Variants in LYRM4 observed in about 807,000 individuals in gnomAD.
The protein encoded by LYRM4 is LYR motif containing 4.
Under a neutral mutation model 11.7 loss-of-function variants are expected in LYRM4, and 9 were observed. That is an observed-to-expected ratio of 0.77 (90% confidence interval 0.46 to 1.34). The LOEUF (loss-of-function observed/expected upper bound fraction) is 1.34, where lower values mean the gene tolerates loss of function less well. Ranked by LOEUF, LYRM4 falls within the 40% of genes most tolerant of loss-of-function variation. LYRM4 has a pLI of 0.00. For synonymous variants in LYRM4, 42 were observed against 40.4 expected (o/e 1.04, Z -0.15); for missense variants, 133 against 112.5 (o/e 1.18, Z -0.82).
chr6:5,073,031 A>G, the LYRM4 span, among the ~76,000 whole-genome samples: 1 of 152,190 alleles, frequency 6.6e-6, no homozygotes, highest in Non-Finnish European at 1.5e-5. Context: ...TTTTGTAGGA[A>G]AATTTTGGAA....
intron 1 of LYRM4, among the ~76,000 whole-genome samples, chr6:5,245,113 A>AATAT (rs1158676783): frequency 2.7e-3 from 64 of 24,044 alleles, no homozygotes; most frequent in South Asian, 4.3e-3. Context: ...AAAAAAAAAA[A>AATAT]ATATATATAT....
At chr6:5,187,616 C>T (rs953715043) in intron 2 of LYRM4, among the ~76,000 whole-genome samples, 2 of 150,342 alleles carry the variant, frequency 1.3e-5, no homozygotes, top group African/African-American at 4.9e-5. Context: ...GGGTTGGGGG[C>T]TGGGGGAGGG....
intron 1 of LYRM4, among the ~76,000 whole-genome samples, chr6:5,243,959 G>C (rs1221505757): frequency 6.6e-6 from 1 of 152,100 alleles, no homozygotes. Flanking sequence ...TTTTCCTTAC[G>C]TTCTTATTTT....
At chr6:5,218,244 T>C (rs1371859494) in intron 1 of LYRM4, 1 of 985,134 alleles carries the variant, frequency 1.0e-6, no homozygotes, top group Non-Finnish European at 1.2e-6. Context: ...GCTCTGCTTT[T>C]AACTTGGAGC....
intron 2 of LYRM4, among the ~76,000 whole-genome samples, chr6:5,210,893 T>C (rs1273489695): frequency 6.6e-6 from 1 of 152,220 alleles, no homozygotes; most frequent in Non-Finnish European, 1.5e-5. Flanking sequence ...ATATACTATA[T>C]CCTGTTTATC....
chr6:5,145,611 G>A (rs1445242534), intron 2 of LYRM4, among the ~76,000 whole-genome samples: 1 of 151,998 alleles, frequency 6.6e-6, no homozygotes, highest in Non-Finnish European at 1.5e-5. Context: ...AGCCTTATGA[G>A]GAAAAAACAT....
the LYRM4 span, among the ~76,000 whole-genome samples, chr6:5,090,365 C>T: frequency 3.9e-5 from 6 of 152,122 alleles, no homozygotes; most frequent in East Asian, 5.8e-4. The surrounding 1 kb of genome is among the most constrained non-coding windows in gnomAD (Gnocchi z 4.8). Context: ...ATATTCTCCC[C>T]GGGAAGCTTC....
intron 2 of LYRM4, among the ~76,000 whole-genome samples, chr6:5,205,666 A>G (rs546998195): frequency 6.6e-6 from 1 of 152,380 alleles, no homozygotes; most frequent in East Asian, 1.9e-4. Context: ...TTTTTTAAAA[A>G]ACAAAACACT....
At chr6:5,108,295 G>C (rs1289494252), downstream of LYRM4, 5 of 235,062 alleles carry the variant, frequency 2.1e-5, no homozygotes, top group African/African-American at 9.3e-5. Flanking sequence ...AATCCACTGA[G>C]CACTGTATGC....
rs537321339 is a variant in LYRM4, at chr6:5,119,464, G to A, written c.208-9973C>T. Reference sequence around the variant, plus strand: ...TCCACTTTTGTCAGCATGCTGCACCGGCTTGTTGTCTTTCTGAATGTCTCA... The same window carrying A: ...TCCACTTTTGTCAGCATGCTGCACCAGCTTGTTGTCTTTCTGAATGTCTCA... On this transcript the variant is annotated intron_variant, in intron 2 of 2. Transcript: ENST00000330636. Among the ~76,000 whole-genome samples the A allele has an allele frequency of 6.6e-5, 10 of 152,046 alleles. No individual in the cohort carries two copies. In the East Asian group the frequency reaches 1.2e-3, roughly 18 times the overall value.
intron 1 of LYRM4, among the ~76,000 whole-genome samples, chr6:5,233,863 A>G (rs1253644503): frequency 6.6e-6 from 1 of 152,264 alleles, no homozygotes; most frequent in African/African-American, 2.4e-5. Flanking sequence ...AAATGGTCCC[A>G]GACCATACAG....
chr6:5,260,702 G>T lies in LYRM4; in HGVS notation c.32C>A (p.Ser11Tyr). The change falls in exon 1 of 3, where the codon TCT (serine) becomes TAT (tyrosine). Residue 11 changes from serine (S) to tyrosine (Y), a missense_variant. Physicochemically the swap from Ser to Tyr is moderately radical, Grantham distance 144. Coordinates refer to ENST00000330636, the MANE Select transcript of LYRM4 (RefSeq NM_020408.6). The stretch of plus-strand genomic sequence containing the variant: ...CTCTCTCAGCATCGCCCGGTACAGA[G>T]ATAACACTTGTGCGCGACTGGAGGC... MAASSRAQVL[S>Y]LYRAMLRESK... 6.4e-7 allele frequency: 1 copy of T among 1,550,686 alleles called. No homozygotes were observed. Among genetic ancestry groups the T allele is most frequent in the Non-Finnish European group, 8.7e-7 (1 of 1,148,240 alleles).
the LYRM4 span, among the ~76,000 whole-genome samples, chr6:5,056,155 C>T: frequency 1.5e-4 from 23 of 152,156 alleles, no homozygotes; most frequent in Non-Finnish European, 2.6e-4. Context: ...CACATGCCAC[C>T]GTGCCTGCCT....
At chr6:5,077,188 C>T in the LYRM4 span, among the ~76,000 whole-genome samples, 32 of 152,296 alleles carry the variant, frequency 2.1e-4, no homozygotes, top group Non-Finnish European at 1.5e-4. Flanking sequence ...TCAGCCACGC[C>T]GTCTACTCCA....
chr6:5,049,754 C>T, the LYRM4 span, among the ~76,000 whole-genome samples: 1 of 151,804 alleles, frequency 6.6e-6, no homozygotes, highest in Non-Finnish European at 1.5e-5. Context: ...ACTGCAACCT[C>T]CACCTCCCGG....
At chr6:5,049,502 T>C in the LYRM4 span, among the ~76,000 whole-genome samples, 2 of 152,176 alleles carry the variant, frequency 1.3e-5, no homozygotes, top group East Asian at 3.8e-4. Flanking sequence ...TTAGAATTAG[T>C]AGGACCTGAC....
the LYRM4 span, among the ~76,000 whole-genome samples, chr6:5,062,405 C>A: frequency 3.0e-4 from 45 of 151,694 alleles, 2 homozygotes; most frequent in South Asian, 8.3e-4. Context: ...ATCAAGTGAT[C>A]CTCCCACCTC....
intron 2 of LYRM4, among the ~76,000 whole-genome samples, chr6:5,171,694 G>C (rs1759436651): frequency 6.6e-6 from 1 of 152,178 alleles, no homozygotes; most frequent in African/African-American, 2.4e-5. Flanking sequence ...CTAACGTGCT[G>C]ACAAAGCACC....
At chr6:5,232,262 C>T (rs1763286618) in intron 1 of LYRM4, among the ~76,000 whole-genome samples, 1 of 152,244 alleles carries the variant, frequency 6.6e-6, no homozygotes, top group South Asian at 2.1e-4. Context: ...CTGAAGGAAC[C>T]TGGTCATCCC....
Sources: allele counts gnomAD v4.1 joint callset (sites outside exome capture counted in the v4.1 genomes callset), GRCh38; gene constraint gnomAD v4.1.1; non-coding constraint Gnocchi (gnomAD v3.1); transcripts MANE v1.5; gene names NCBI Gene and HGNC (gene_info 2026-07-23, HGNC 2026-07-21).